The following PDE7A variants were observed in gnomAD, a reference collection of about 807,000 sequenced individuals.
The protein encoded by PDE7A is high affinity 3',5'-cyclic-AMP phosphodiesterase 7A.
Under a neutral mutation model 64.3 loss-of-function variants are expected in PDE7A, and 39 were observed. That is an observed-to-expected ratio of 0.61 (90% CI 0.47 to 0.79). The LOEUF (loss-of-function observed/expected upper bound fraction) is 0.79, where lower values mean the gene tolerates loss of function less well. Among genes scored for constraint, PDE7A ranks in the 30% least tolerant of loss-of-function variants. The pLI, the probability that PDE7A is intolerant of heterozygous loss-of-function variation, is 0.00. For missense variants in PDE7A, 470 were observed against 582.8 expected, an observed-to-expected ratio of 0.81 and a Z score of 1.99; for synonymous variants, 203 against 206.8, an observed-to-expected ratio of 0.98 and a Z score of 0.16.
At chr8:65,730,174 T>C (rs112458581) in intron 7 of PDE7A, among the ~76,000 whole-genome samples, 2,058 of 19,094 alleles carry the variant, frequency 0.11, 161 homozygotes, top group Non-Finnish European at 0.18. Context: ...CGCACTTCTT[T>C]TTTTTTTTTT....
intron 6 of PDE7A, among the ~76,000 whole-genome samples, chr8:65,738,407 T>C (rs1807247435): frequency 6.6e-6 from 1 of 152,176 alleles, no homozygotes; most frequent in African/African-American, 2.4e-5. Flanking sequence ...GGAGAGGACT[T>C]TCTCAGAAGT....
At chr8:65,795,708 G>A (rs866445132) in intron 1 of PDE7A, among the ~76,000 whole-genome samples, 29 of 152,240 alleles carry the variant, frequency 1.9e-4, no homozygotes, top group Admixed American at 8.5e-4. Context: ...AAGGGATCAG[G>A]TGGATCTGCA....
In PDE7A at chr8:65,793,607, C is replaced by T. The variant is rs115510580; in HGVS notation, c.139-10764G>A. On this transcript the variant is annotated intron_variant, in intron 1 of 12. Coordinates refer to ENST00000401827, the MANE Select transcript of PDE7A (RefSeq NM_001242318.3). The stretch of plus-strand genomic sequence containing the variant: ...CAAGGATGCTCCACTATCTTCAATA[C>T]GGGCCACATAAGAATGAATTCAGTT... 5.9e-3 allele frequency among the ~76,000 whole-genome samples: 901 copies of T among 151,948 alleles called. 9 individuals are homozygous for T. Among genetic ancestry groups the T allele is most frequent in the African/African-American group, 0.02 (844 of 41,460 alleles).
intron 7 of PDE7A, among the ~76,000 whole-genome samples, chr8:65,730,003 C>G (rs375830662): frequency 6.6e-6 from 1 of 151,860 alleles, no homozygotes; most frequent in Admixed American, 6.6e-5. Context: ...TGGACCGGTA[C>G]TGGTCCATGG....
At chr8:65,782,081 G>T (rs1383423307) in intron 2 of PDE7A, among the ~76,000 whole-genome samples, 1 of 152,132 alleles carries the variant, frequency 6.6e-6, no homozygotes, top group Non-Finnish European at 1.5e-5. Flanking sequence ...AATAAGGATG[G>T]ATCAGTATCA....
At chr8:65,789,555 T>G (rs1411530781) in intron 1 of PDE7A, among the ~76,000 whole-genome samples, 3 of 152,240 alleles carry the variant, frequency 2.0e-5, no homozygotes, top group Non-Finnish European at 4.4e-5. Context: ...TTCACTCATT[T>G]TGGACTTACT....
At position 65,745,437 on chromosome 8, in the gene PDE7A, C is replaced by T. The variant is rs1203950855; in HGVS notation, c.469G>A (p.Asp157Asn). 2 of 1,577,032 alleles carry T rather than the reference C, an allele frequency of 1.3e-6. 1 individual carries two copies. Among genetic ancestry groups the T allele is most frequent in the East Asian group, 4.5e-5 (2 of 44,700 alleles). Reference protein sequence around the residue: ...MLEKVGNWNFDIFLFDRLTNG... With the variant: ...MLEKVGNWNFNIFLFDRLTNG... ...GTTAGTCTATCAAATAGAAAGATAT[C>T]AAAATTCCAATTTCCAACTTTTTCC... The change falls in exon 5 of 13, where the codon GAT becomes AAT. Residue 157 changes from aspartate (D) to asparagine (N), a missense_variant. Coordinates refer to ENST00000401827, the MANE Select transcript of PDE7A (RefSeq NM_001242318.3).
intron 1 of PDE7A, among the ~76,000 whole-genome samples, chr8:65,806,259 C>T: frequency 6.6e-6 from 1 of 152,088 alleles, no homozygotes; most frequent in Admixed American, 6.6e-5. Flanking sequence ...AATTCTTGGA[C>T]ACTTTTAACT....
chr8:65,744,119 C>T (rs1230491423), intron 5 of PDE7A, among the ~76,000 whole-genome samples: 7 of 152,122 alleles, frequency 4.6e-5, no homozygotes, highest in African/African-American at 1.7e-4. Context: ...AGGCATGAGC[C>T]ACCACGCCCA....
At chr8:65,752,150 A>T (rs2128909006) in intron 3 of PDE7A, among the ~76,000 whole-genome samples, 1 of 152,326 alleles carries the variant, frequency 6.6e-6, no homozygotes, top group South Asian at 2.1e-4. Flanking sequence ...GTCACTCTAT[A>T]TGCCATCTTC....
chr8:65,789,630 C>G (rs897726360), intron 1 of PDE7A, among the ~76,000 whole-genome samples: 22 of 152,164 alleles, frequency 1.4e-4, no homozygotes, highest in Non-Finnish European at 5.9e-5. Flanking sequence ...CAAGCACTAA[C>G]TGCAATCTAA....
chr8:65,726,379 T>C (rs1023677406), intron 9 of PDE7A, among the ~76,000 whole-genome samples: 3 of 152,220 alleles, frequency 2.0e-5, no homozygotes, highest in Non-Finnish European at 2.9e-5. Context: ...TATTATATCC[T>C]ATAGCTCTAG....
At chr8:65,792,667 AAC>A (rs1468826191) in intron 1 of PDE7A, among the ~76,000 whole-genome samples, 2 of 152,240 alleles carry the variant, frequency 1.3e-5, no homozygotes, top group Non-Finnish European at 2.9e-5. Flanking sequence ...AAAAAATGTG[AAC>A]ACTATAGTAA....
intron 7 of PDE7A, chr8:65,727,583 C>T (rs1806665809): frequency 3.6e-6 from 1 of 274,130 alleles, no homozygotes; most frequent in Non-Finnish European, 6.8e-6. Flanking sequence ...ATTAAAATGG[C>T]AGCTAAAACA....
chr8:65,733,874 C>G (rs1347865650), intron 7 of PDE7A, among the ~76,000 whole-genome samples: 1 of 152,128 alleles, frequency 6.6e-6, no homozygotes, highest in African/African-American at 2.4e-5. Context: ...CCGCCTAACA[C>G]CTTAGCCAGA....
intron 1 of PDE7A, among the ~76,000 whole-genome samples, chr8:65,791,422 A>T (rs1809699444): frequency 6.6e-6 from 1 of 152,194 alleles, no homozygotes. Flanking sequence ...ATTAAATTCT[A>T]CTGTATTTAA....
chr8:65,817,071 T>C (rs1250025308), intron 1 of PDE7A, among the ~76,000 whole-genome samples: 1 of 152,244 alleles, frequency 6.6e-6, no homozygotes, highest in African/African-American at 2.4e-5. Context: ...ATTCATTTTC[T>C]TGCCATCTCA....
At chr8:65,840,244 A>G (rs1811047910) in intron 1 of PDE7A, among the ~76,000 whole-genome samples, 1 of 152,232 alleles carries the variant, frequency 6.6e-6, no homozygotes, top group African/African-American at 2.4e-5. Flanking sequence ...GTGCTGTGAA[A>G]TAAGTTTTAG....
intron 3 of PDE7A, among the ~76,000 whole-genome samples, chr8:65,748,941 C>T (rs887119919): frequency 6.6e-6 from 1 of 152,202 alleles, no homozygotes; most frequent in Admixed American, 6.5e-5. Flanking sequence ...GCTCATCTTG[C>T]TCTAAATAAA....
Sources: allele counts gnomAD v4.1 joint callset (sites outside exome capture counted in the v4.1 genomes callset), GRCh38; gene constraint gnomAD v4.1.1; transcripts MANE v1.5; gene names NCBI Gene and HGNC (gene_info 2026-07-23, HGNC 2026-07-21).